The following PAIP1 variants were observed in gnomAD, a reference collection of about 807,000 sequenced individuals.
PAIP1 encodes the protein polyadenylate-binding protein-interacting protein 1.
Under a neutral mutation model 61.3 loss-of-function variants are expected in PAIP1, and 16 were observed. That is an observed-to-expected ratio of 0.26 (90% CI 0.18 to 0.40). The LOEUF is 0.40. Among genes scored for constraint, PAIP1 ranks in the 10% least tolerant of loss-of-function variants. PAIP1 has a pLI of 1.00. For missense variants in PAIP1, 416 were observed against 600.9 expected (o/e 0.69, Z 3.22); for synonymous variants, 187 against 226.2 (o/e 0.83, Z 1.56).
chr5:43,553,820 T>TCTA (rs1747958806), intron 2 of PAIP1, among the ~76,000 whole-genome samples: 1 of 152,192 alleles, frequency 6.6e-6, no homozygotes, highest in Non-Finnish European at 1.5e-5. Context: ...ACAGACTCCA[T>TCTA]CTAAAGAGAA....
In PAIP1 at chr5:43,556,785, C is replaced by CGGCCCA. The variant is rs1328986511; in HGVS notation, c.56_61dup (p.Leu19_Gly20dup). ...GCCGCCCTCAGGCCCGCCCCCTCCG[C>CGGCCCA]GGCCCAGGCCCCGGCTCCGGCCCCG... On this transcript the variant is annotated inframe_insertion, in exon 1 of 11. Transcript: ENST00000306846. 5 of 1,442,770 alleles carry CGGCCCA rather than the reference C, an allele frequency of 3.5e-6. No individual in the cohort carries two copies. The highest frequency in any genetic ancestry group is 4.5e-6 in the Non-Finnish European group (5 of 1,101,230). 89.4% of individuals were successfully genotyped at this position (1,442,770 alleles called of 1,614,324 possible).
rs537516907 is a variant in PAIP1, at chr5:43,555,702, A to C, written c.435+128T>G. On this transcript the variant is annotated intron_variant, in intron 2 of 10. Transcript: ENST00000306846. ...GTTTCCTTCTGAGTTCAATAATTCA[A>C]AACATTCACAATAAAAAAATTTTTT... 7.8e-6 allele frequency: 5 copies of C among 642,880 alleles called. No homozygotes were observed. The East Asian group carries it at 8.2e-5, about 11-fold the overall frequency. The allele number at this position is 642,880 out of a possible 1,614,324, so 39.8% of individuals were successfully genotyped here. A position where few individuals can be genotyped will look rare whatever the true frequency, so the allele number is the denominator to read the frequency against.
Position 43,535,594 on chromosome 5 carries a change from A to G in PAIP1, c.1019T>C (p.Met340Thr), listed in dbSNP as rs969485953. The G allele has an allele frequency of 3.7e-6, 6 of 1,606,454 alleles. No individual in the cohort carries two copies. Among genetic ancestry groups the G allele is most frequent in the East Asian group, 2.2e-5 (1 of 44,702 alleles). Residue 340 changes from methionine to threonine, a missense_variant, in exon 7 of 11, where the codon ATG (methionine) becomes ACG (threonine). By Grantham distance (81) the Met-to-Thr change is moderately conservative. Coordinates refer to ENST00000306846, the MANE Select transcript of PAIP1 (RefSeq NM_006451.5). ...LEDAWKEKGK[M>T]DMEEIIQRIE... ...TCTCTGAATAATTTCTTCCATATCC[A>G]TCTTTCCTTTTTCCTTCCAAGCATC...
chr5:43,545,437 A>C (rs1199741247), intron 3 of PAIP1, among the ~76,000 whole-genome samples: 3 of 152,180 alleles, frequency 2.0e-5, no homozygotes, highest in Non-Finnish European at 2.9e-5. Flanking sequence ...GTTACAACAA[A>C]ATTTCAAACC....
rs905552801 is a variant in PAIP1 at position 43,556,768 on chromosome 5, C to T, written c.79G>A (p.Glu27Lys). Residue 27 changes from glutamate (E) to lysine (K), a missense_variant, in exon 1 of 11, where the codon GAG (glutamate) becomes AAG (lysine). Physicochemically the swap from Glu to Lys is moderately conservative, Grantham distance 56 (BLOSUM62 1). Coordinates refer to ENST00000306846, the MANE Select transcript of PAIP1 (RefSeq NM_006451.5). ...RGLGRGGGGP[E>K]GGGFPNGAGP... ...GCTCCGTTCGGGAAACCGCCGCCCT[C>T]AGGCCCGCCCCCTCCGCGGCCCAGG... 1 of 1,425,408 alleles carries T rather than the reference C, an allele frequency of 7.0e-7. No homozygotes were observed. Among genetic ancestry groups the T allele is most frequent in the Non-Finnish European group, 9.1e-7 (1 of 1,093,364 alleles). 88.3% of individuals were successfully genotyped at this position (1,425,408 alleles called of 1,614,324 possible). A position where few individuals can be genotyped will look rare whatever the true frequency, so the allele number is the denominator to read the frequency against.
At chr5:43,550,195 A>T (rs1359896625) in intron 2 of PAIP1, among the ~76,000 whole-genome samples, 2 of 152,150 alleles carry the variant, frequency 1.3e-5, no homozygotes, top group East Asian at 3.8e-4. Context: ...TTTGTCACGC[A>T]TTTGAATTCA....
chr5:43,529,532 T>G (rs1746851107), intron 10 of PAIP1, among the ~76,000 whole-genome samples: 1 of 152,014 alleles, frequency 6.6e-6, no homozygotes. Flanking sequence ...GCCTCCCGAG[T>G]AGCTGTGATT....
chr5:43,541,473 T>C (rs1219097399), intron 4 of PAIP1, among the ~76,000 whole-genome samples: 1 of 149,734 alleles, frequency 6.7e-6, no homozygotes, highest in African/African-American at 2.5e-5. Flanking sequence ...TTTTAATAAG[T>C]CTCTGACATA....
At chr5:43,532,211 A>T (rs1327524570) in intron 9 of PAIP1, among the ~76,000 whole-genome samples, 2 of 152,206 alleles carry the variant, frequency 1.3e-5, no homozygotes, top group Non-Finnish European at 2.9e-5. Flanking sequence ...AAAAACAAAT[A>T]ATCAAAATAA....
At chr5:43,534,716 A>C in intron 8 of PAIP1, 137 bp downstream of exon 8, 1 of 617,782 alleles carries the variant, frequency 1.6e-6, no homozygotes, top group Non-Finnish European at 2.9e-6. Context: ...ACCCAGTCTG[A>C]TGGCTGCCAT....
chr5:43,555,737 T>G (rs1185728834), intron 2 of PAIP1, 93 bp downstream of exon 2: 19 of 1,126,332 alleles, frequency 1.7e-5, no homozygotes, highest in Non-Finnish European at 2.1e-5. Context: ...TTACGTGTAG[T>G]ACAGAAAGCA....
intron 2 of PAIP1, among the ~76,000 whole-genome samples, chr5:43,552,444 T>C (rs1027606646): frequency 2.6e-5 from 4 of 152,146 alleles, no homozygotes; most frequent in African/African-American, 4.8e-5. Context: ...TATTAGCACA[T>C]AAATAAGTGA....
chr5:43,540,455 T>C (rs1433475445), intron 4 of PAIP1, among the ~76,000 whole-genome samples: 1 of 152,182 alleles, frequency 6.6e-6, no homozygotes, highest in African/African-American at 2.4e-5. Flanking sequence ...TGCAAACAAA[T>C]ACCTACATAA....
chr5:43,552,245 G>A (rs903931558), intron 2 of PAIP1, among the ~76,000 whole-genome samples: 3 of 152,192 alleles, frequency 2.0e-5, no homozygotes, highest in African/African-American at 7.2e-5. Context: ...GGAGAGGTGA[G>A]TCAATATGCC....
intron 2 of PAIP1, among the ~76,000 whole-genome samples, chr5:43,551,745 CTTT>C (rs10640960): frequency 4.4e-4 from 63 of 142,946 alleles, no homozygotes; most frequent in African/African-American, 1.2e-3. Flanking sequence ...GATTTGCAAT[CTTT>C]TTTTTTTTTT....
intron 5 of PAIP1, among the ~76,000 whole-genome samples, chr5:43,538,655 C>T (rs541689525): frequency 1.3e-5 from 2 of 152,280 alleles, no homozygotes; most frequent in South Asian, 4.2e-4. Context: ...ATCTCAAGAA[C>T]TTAAATTTGC....
At chr5:43,556,377 C>G in intron 1 of PAIP1, 1 of 1,234,690 alleles carries the variant, frequency 8.1e-7, no homozygotes, top group Non-Finnish European at 1.0e-6. Flanking sequence ...CCCCTCCCCC[C>G]AGCCAGGCGC....
At position 43,526,632 on chromosome 5, in the gene PAIP1, C is replaced by A. The variant is rs1356224475; in HGVS notation, c.*744G>T. ...TCTCTAGTAAAAAAGTCGATGCAAC[C>A]CATGCTACAAAATAAAAGTGAGAAA... On this transcript the variant is annotated 3_prime_UTR_variant, in exon 11 of 11. Transcript: ENST00000306846. The A allele has an allele frequency of 7.2e-6, 1 of 139,574 alleles. No individual in the cohort carries two copies. The highest frequency in any genetic ancestry group is 1.6e-5 in the Non-Finnish European group (1 of 64,238). The allele number at this position is 139,574 out of a possible 1,614,324, so 8.6% of individuals were successfully genotyped here.
At chr5:43,556,535 G>C in intron 1 of PAIP1, 47 bp downstream of exon 1, 1 of 1,240,198 alleles carries the variant, frequency 8.1e-7, no homozygotes, top group Non-Finnish European at 1.0e-6. Context: ...AGGGCCGTGG[G>C]GAAGCGTTCG....
Sources: allele counts gnomAD v4.1 joint callset (sites outside exome capture counted in the v4.1 genomes callset), GRCh38; gene constraint gnomAD v4.1.1; transcripts MANE v1.5; gene names NCBI Gene and HGNC (gene_info 2026-07-23, HGNC 2026-07-21).